Variants in METTL9 observed in about 807,000 individuals in gnomAD.
METTL9 encodes protein-L-histidine N-pros-methyltransferase.
A neutral mutation model predicts 36.0 loss-of-function variants in METTL9; 10 were observed. That is an observed-to-expected ratio of 0.28 (90% confidence interval 0.17 to 0.47). METTL9 has a LOEUF of 0.47. Ranked by LOEUF, METTL9 falls within the 20% of genes least tolerant of loss-of-function variation. METTL9 has a pLI of 0.99. For missense variants in METTL9, 246 were observed against 383.5 expected, an observed-to-expected ratio of 0.64 and a Z score of 3.00; for synonymous variants, 175 against 149.7, an observed-to-expected ratio of 1.17 and a Z score of -1.23.
chr16:21,627,382 T>C (rs1187589110), intron 4 of METTL9: 7 of 985,092 alleles, frequency 7.1e-6, no homozygotes, highest in Non-Finnish European at 8.4e-6. Flanking sequence ...ACCACAGCAG[T>C]TTTGCTATTT....
chr16:21,634,765 G>A (rs199875312), intron 4 of METTL9, among the ~76,000 whole-genome samples: 1 of 152,146 alleles, frequency 6.6e-6, no homozygotes, highest in East Asian at 1.9e-4. Context: ...TGGGCGACGG[G>A]AGTATATTTT....
At chr16:21,648,048 T>C (rs1232396049) in intron 4 of METTL9, among the ~76,000 whole-genome samples, 1 of 152,228 alleles carries the variant, frequency 6.6e-6, no homozygotes, top group East Asian at 1.9e-4. Context: ...CTGGTGTCCC[T>C]TTGGGAAACA....
chr16:21,644,291 T>C (rs1314427275), intron 4 of METTL9: 1 of 1,600,724 alleles, frequency 6.2e-7, no homozygotes, highest in South Asian at 1.1e-5. Flanking sequence ...TTGACTTACT[T>C]TGGAGAGGAG....
At chr16:21,651,140 G>C (rs1044058633) in intron 4 of METTL9, among the ~76,000 whole-genome samples, 1 of 152,036 alleles carries the variant, frequency 6.6e-6, no homozygotes, top group Non-Finnish European at 1.5e-5. Context: ...GGAGAATGGC[G>C]TGAACCCGGG....
intron 4 of METTL9, among the ~76,000 whole-genome samples, chr16:21,635,008 C>T (rs113999424): frequency 0.011 from 1,625 of 152,220 alleles, 39 homozygotes; most frequent in African/African-American, 0.037. Flanking sequence ...TCCCTTTCTT[C>T]GGCTGTCATT....
At chr16:21,636,971 C>T (rs1281870946) in intron 4 of METTL9, among the ~76,000 whole-genome samples, 1 of 152,158 alleles carries the variant, frequency 6.6e-6, no homozygotes, top group Non-Finnish European at 1.5e-5. Context: ...TTGGTGGGTT[C>T]TTGGTCTCGC....
rs548944320 is a variant in METTL9, at chr16:21,618,342, CA to C, written c.566+276del. Reference sequence around the variant, plus strand: ...TTCCCTAATCAGAATGTGGCATTCTCAAAAAAAATTTTTTTAAGTAGTGGTA... The same window carrying C: ...TTCCCTAATCAGAATGTGGCATTCTCAAAAAAATTTTTTTAAGTAGTGGTA... On this transcript the variant is annotated intron_variant, in intron 3 of 4. Coordinates refer to ENST00000358154, the MANE Select transcript of METTL9 (RefSeq NM_016025.5). Among the ~76,000 whole-genome samples, 191 of 151,952 alleles carry C rather than the reference CA, an allele frequency of 1.3e-3. 1 individual carries two copies. The highest frequency in any genetic ancestry group is 4.4e-3 in the African/African-American group (182 of 41,464).
intron 4 of METTL9, among the ~76,000 whole-genome samples, chr16:21,638,617 G>T (rs993628542): frequency 1.3e-5 from 2 of 152,304 alleles, no homozygotes; most frequent in Admixed American, 6.5e-5. Flanking sequence ...AATATAGATA[G>T]AAACAGATAA....
chr16:21,636,595 A>G (rs891208664), intron 4 of METTL9, among the ~76,000 whole-genome samples: 3 of 152,156 alleles, frequency 2.0e-5, no homozygotes, highest in African/African-American at 7.2e-5. Flanking sequence ...CGCAGGGTCA[A>G]CCAACTTCTT....
chr16:21,631,612 C>A (rs567965780), intron 4 of METTL9, among the ~76,000 whole-genome samples: 3 of 152,182 alleles, frequency 2.0e-5, no homozygotes, highest in Admixed American at 2.0e-4. Context: ...AACCATCTAT[C>A]GTCCTGTCCT....
intron 4 of METTL9, chr16:21,654,925 C>A (rs916539772): frequency 1.1e-5 from 4 of 374,034 alleles, no homozygotes; most frequent in Non-Finnish European, 2.0e-5. Context: ...TTGGCAGATA[C>A]TACCCAAAAC....
intron 1 of METTL9, among the ~76,000 whole-genome samples, chr16:21,600,388 T>C (rs1414414973): frequency 1.3e-5 from 2 of 152,140 alleles, no homozygotes; most frequent in African/African-American, 2.4e-5. Context: ...GAAATGTAAC[T>C]GTACATCGCA....
intron 1 of METTL9, among the ~76,000 whole-genome samples, chr16:21,610,666 T>C (rs1409714225): frequency 6.6e-6 from 1 of 152,172 alleles, no homozygotes; most frequent in South Asian, 2.1e-4. Flanking sequence ...TCTTGGTGCT[T>C]GAAAGCACTA....
intron 3 of METTL9, among the ~76,000 whole-genome samples, chr16:21,620,426 A>AT (rs1267247720): frequency 6.6e-6 from 1 of 152,096 alleles, no homozygotes; most frequent in African/African-American, 2.4e-5. Flanking sequence ...TCCTAATCTG[A>AT]TTCCACCTCC....
At chr16:21,647,400 A>T (rs1966458767) in intron 4 of METTL9, 2 of 1,613,958 alleles carry the variant, frequency 1.2e-6, no homozygotes, top group South Asian at 1.1e-5. Flanking sequence ...CCGGTTGCGG[A>T]GAAGGTACAC....
intron 2 of METTL9, among the ~76,000 whole-genome samples, chr16:21,615,228 CTTCT>C (rs1215605549): frequency 3.3e-5 from 5 of 152,058 alleles, no homozygotes; most frequent in South Asian, 4.2e-4. Flanking sequence ...TCTCTAGTGC[CTTCT>C]TTCTTTCTTT....
chr16:21,644,074 A>T (rs1480090687), intron 4 of METTL9, among the ~76,000 whole-genome samples: 2 of 152,184 alleles, frequency 1.3e-5, no homozygotes, highest in Non-Finnish European at 2.9e-5. Context: ...AGAAAACAGC[A>T]AACTATGTCC....
intron 1 of METTL9, among the ~76,000 whole-genome samples, chr16:21,604,287 CTCTT>C (rs755231112): frequency 6.6e-5 from 10 of 152,160 alleles, no homozygotes; most frequent in Non-Finnish European, 1.5e-4. Context: ...ACACTAGAAT[CTCTT>C]TCTTGTGCTG....
intron 4 of METTL9, chr16:21,641,303 T>C (rs997028280): frequency 2.6e-5 from 9 of 348,110 alleles, no homozygotes; most frequent in Admixed American, 9.5e-5. Flanking sequence ...AATAGAATTT[T>C]TTTTCTTGGC....
Sources: gnomAD v4.1 joint callset for allele counts (sites outside exome capture counted in the v4.1 genomes callset) on GRCh38, gnomAD v4.1.1 for gene constraint, MANE v1.5 for transcripts, NCBI Gene and HGNC (gene_info 2026-07-23, HGNC 2026-07-21) for gene names.